DHRS4: variants seen among roughly 807,000 people sequenced by gnomAD.
DHRS4 encodes dehydrogenase/reductase 4, also known as dehydrogenase/reductase SDR family member 4.
DHRS4 carries 20 observed loss-of-function variants against 28.4 expected under a neutral mutation model. That is an observed-to-expected ratio of 0.71 (90% CI 0.50 to 1.02). The LOEUF is 1.02. Ranked by LOEUF, DHRS4 falls within the 50% of genes least tolerant of loss-of-function variation. The pLI is 0.00. For synonymous variants in DHRS4, 144 were observed against 146.4 expected, an observed-to-expected ratio of 0.98 and a Z score of 0.12; for missense variants, 378 against 367.2, an observed-to-expected ratio of 1.03 and a Z score of -0.24.
intron 3 of DHRS4, 28 bp downstream of exon 3, chr14:23,960,031 G>GGT (rs768188709): frequency 1.3e-6 from 2 of 1,488,050 alleles, no homozygotes; most frequent in African/African-American, 5.6e-5. Flanking sequence ...CAGGGGGGCC[G>GGT]GGGGGGGCGC....
intron 3 of DHRS4, among the ~76,000 whole-genome samples, chr14:23,964,128 A>G (rs2033519219): frequency 6.7e-6 from 1 of 148,754 alleles, no homozygotes; most frequent in South Asian, 2.1e-4. Context: ...ATATTCCAAG[A>G]ATTACCAAAA....
At chr14:23,962,116 TA>T (rs1380923778) in intron 3 of DHRS4, among the ~76,000 whole-genome samples, 6 of 94,576 alleles carry the variant, frequency 6.3e-5, no homozygotes, top group African/African-American at 1.3e-4. Flanking sequence ...ACTTTATTGC[TA>T]AAAAAATGCT....
intron 1 of DHRS4, chr14:23,954,157 C>A: frequency 3.4e-6 from 2 of 584,126 alleles, no homozygotes; most frequent in East Asian, 3.1e-5. Flanking sequence ...CTGTGCAGCC[C>A]TATCGATCTA....
chr14:23,959,310 C>T (rs539665529), intron 2 of DHRS4, among the ~76,000 whole-genome samples: 1 of 152,302 alleles, frequency 6.6e-6, no homozygotes, highest in Non-Finnish European at 1.5e-5. Context: ...GCGCCTGTAA[C>T]ACTTTAGGAT....
intron 3 of DHRS4, among the ~76,000 whole-genome samples, 178 bp downstream of exon 3, chr14:23,960,181 G>A (rs2033358802): frequency 6.6e-6 from 1 of 151,948 alleles, no homozygotes; most frequent in Non-Finnish European, 1.5e-5. Context: ...CTCTATCCCT[G>A]CCCTTCTCAT....
intron 2 of DHRS4, among the ~76,000 whole-genome samples, chr14:23,957,788 T>C (rs1042235111): frequency 1.3e-5 from 2 of 149,282 alleles, no homozygotes; most frequent in African/African-American, 5.0e-5. Context: ...TGGCCTCAAG[T>C]GGTCCTCCCC....
At chr14:23,957,121 A>C (rs1594417188) in intron 2 of DHRS4, among the ~76,000 whole-genome samples, 1 of 152,156 alleles carries the variant, frequency 6.6e-6, no homozygotes, top group Admixed American at 6.5e-5. Context: ...CTCCAGGTTT[A>C]GAGCAGTGGC....
intron 2 of DHRS4, among the ~76,000 whole-genome samples, chr14:23,956,345 C>A (rs890833217): frequency 4.6e-5 from 7 of 152,208 alleles, no homozygotes; most frequent in Non-Finnish European, 8.8e-5. Context: ...CCTGTGGCCC[C>A]CACCAGGTTC....
chr14:23,959,301 C>G (rs369328055), intron 2 of DHRS4, among the ~76,000 whole-genome samples: 1 of 152,122 alleles, frequency 6.6e-6, no homozygotes, highest in South Asian at 2.1e-4. Context: ...TGGTGGGTCG[C>G]GCCTGTAACA....
At position 23,960,122 on chromosome 14, in the gene DHRS4, C is replaced by G. The variant is rs564714166; in HGVS notation, c.408+119C>G. On this transcript the variant is annotated intron_variant, in intron 3 of 7. Coordinates refer to ENST00000313250, the MANE Select transcript of DHRS4 (RefSeq NM_021004.4). ...CAGTGTAAATGTGAGGACTCTTTGCCACGTGCCACACACCTGGAGCACACC... is the reference window on the plus strand; with the variant it reads ...CAGTGTAAATGTGAGGACTCTTTGCGACGTGCCACACACCTGGAGCACACC... 8.5e-5 allele frequency: 81 copies of G among 950,074 alleles called. 1 individual carries two copies. Among genetic ancestry groups the G allele is most frequent in the Middle Eastern group, 3.0e-4 (1 of 3,322 alleles). 58.9% of individuals were successfully genotyped at this position (950,074 alleles called of 1,614,324 possible). A position where few individuals can be genotyped will look rare whatever the true frequency, so the allele number is the denominator to read the frequency against.
intron 3 of DHRS4, among the ~76,000 whole-genome samples, chr14:23,960,535 TC>T (rs1218964252): frequency 3.3e-5 from 5 of 152,034 alleles, no homozygotes; most frequent in Non-Finnish European, 7.3e-5. Context: ...AACTGCAATG[TC>T]AAGAAAATCT....
chr14:23,954,016 C>A, intron 1 of DHRS4, 100 bp downstream of exon 1: 7 of 1,497,592 alleles, frequency 4.7e-6, no homozygotes, highest in Non-Finnish European at 6.2e-6. Context: ...AGACCTTACA[C>A]GCTGCCAAAG....
At chr14:23,968,711 G>C in intron 7 of DHRS4, 46 bp from the exon 8 acceptor site, 1 of 1,602,168 alleles carries the variant, frequency 6.2e-7, no homozygotes, top group Non-Finnish European at 8.5e-7. Flanking sequence ...GAGGGAGGCA[G>C]AACTGTTTGA....
In DHRS4 at chr14:23,968,337, A is replaced by G. The variant is rs537747673; in HGVS notation, c.723-420A>G. On this transcript the variant is annotated intron_variant, in intron 7 of 7. Coordinates refer to ENST00000313250, the MANE Select transcript of DHRS4 (RefSeq NM_021004.4). Reference sequence around the variant, plus strand: ...AGGCACAAGTATAGATTCCTGAAAAAGTTCTAAGCTGAACCTGTACAAATG... The same window carrying G: ...AGGCACAAGTATAGATTCCTGAAAAGGTTCTAAGCTGAACCTGTACAAATG... 2.4e-3 allele frequency among the ~76,000 whole-genome samples: 369 copies of G among 150,824 alleles called. 8 individuals are homozygous for G. The highest frequency in any genetic ancestry group is 0.017 in the Middle Eastern group (5 of 294).
chr14:23,959,933 T>C lies in DHRS4; in HGVS notation c.338T>C (p.Leu113Pro). ...AAGCTTCATGGAGGTATCGATATCCTAGTCTCCAATGCTGCTGTCAACCCT... is the reference window on the plus strand; with the variant it reads ...AAGCTTCATGGAGGTATCGATATCCCAGTCTCCAATGCTGCTGTCAACCCT... ...AVKLHGGIDI[L>P]VSNAAVNPFF... The change falls in exon 3 of 8, where the codon CTA (leucine) becomes CCA (proline). Residue 113 changes from leucine to proline, a missense_variant. Leu to Pro is a moderately conservative substitution (Grantham distance 98, BLOSUM62 -3). Coordinates refer to ENST00000313250, the MANE Select transcript of DHRS4 (RefSeq NM_021004.4). 1.9e-6 allele frequency: 3 copies of C among 1,612,892 alleles called. No individual in the cohort carries two copies.
chr14:23,957,359 G>A (rs1454838755), intron 2 of DHRS4, among the ~76,000 whole-genome samples: 2 of 148,666 alleles, frequency 1.3e-5, no homozygotes, highest in Non-Finnish European at 2.9e-5. Flanking sequence ...TCCTGAGAAT[G>A]GATACTACCC....
Position 23,955,140 on chromosome 14 carries a change from G to A in DHRS4, c.234G>A (p.Gly78=). 1.2e-6 allele frequency: 2 copies of A among 1,613,990 alleles called. No homozygotes were observed. The highest frequency in any genetic ancestry group is 1.3e-5 in the African/African-American group (1 of 75,062). Residue 78 remains glycine, a synonymous_variant, in exon 2 of 8, where the codon GGG becomes GGA. Transcript: ENST00000313250. ...ACCAGGCGGTGGCCACGCTGCAGGG[G>A]GAGGGGCTGAGCGTGACGGGCACCG... ...NVDQAVATLQ[G]EGLSVTGTVC...
At chr14:23,964,210 C>A (rs2033522352) in intron 3 of DHRS4, among the ~76,000 whole-genome samples, 1 of 63,534 alleles carries the variant, frequency 1.6e-5, no homozygotes, top group South Asian at 6.9e-4. Flanking sequence ...TGCCACGAAA[C>A]TGCAATTTGT....
chr14:23,959,555 C>T (rs1277908183), intron 2 of DHRS4, among the ~76,000 whole-genome samples: 1 of 152,024 alleles, frequency 6.6e-6, no homozygotes, highest in Non-Finnish European at 1.5e-5. Context: ...AAGACTCCGT[C>T]TAAAAAAGAA....
Sources: allele counts gnomAD v4.1 joint callset (sites outside exome capture counted in the v4.1 genomes callset), GRCh38; gene constraint gnomAD v4.1.1; transcripts MANE v1.5; gene names NCBI Gene and HGNC (gene_info 2026-07-23, HGNC 2026-07-21).